LPAR1: variants seen among roughly 807,000 people sequenced by gnomAD.
The protein encoded by LPAR1 is LPA receptor 1.
In LPAR1, 5 loss-of-function variants were observed where a neutral mutation model predicts 23.8. The observed-to-expected ratio is 0.21, with a 90% CI of 0.11 to 0.44. The LOEUF (loss-of-function observed/expected upper bound fraction) is 0.44. Ranked by LOEUF, LPAR1 falls within the 20% of genes least tolerant of loss-of-function variation. The pLI, the probability that LPAR1 is intolerant of heterozygous loss-of-function variation, is 0.99. For synonymous variants in LPAR1, 160 were observed against 164.7 expected (o/e 0.97, Z 0.22); for missense variants, 311 against 482.8 (o/e 0.64, Z 3.33).
At chr9:110,907,350 A>C (rs1207631095) in intron 5 of LPAR1, among the ~76,000 whole-genome samples, 1 of 152,180 alleles carries the variant, frequency 6.6e-6, no homozygotes, top group Non-Finnish European at 1.5e-5. Flanking sequence ...CTCTGTAAAA[A>C]GGCAAGGGGT....
intron 3 of LPAR1, among the ~76,000 whole-genome samples, chr9:110,972,568 C>T (rs780622228): frequency 5.9e-5 from 9 of 152,086 alleles, no homozygotes; most frequent in African/African-American, 1.7e-4. Flanking sequence ...GGAGAGCTGA[C>T]GGCTTACATA....
chr9:110,932,462 C>T (rs1257627814), intron 5 of LPAR1, among the ~76,000 whole-genome samples: 1 of 152,232 alleles, frequency 6.6e-6, no homozygotes, highest in Admixed American at 6.5e-5. Flanking sequence ...GTCTCATGAA[C>T]CCAGCCATTC....
At chr9:110,900,177 T>A (rs2133791975) in intron 5 of LPAR1, among the ~76,000 whole-genome samples, 1 of 152,264 alleles carries the variant, frequency 6.6e-6, no homozygotes, top group Admixed American at 6.5e-5. Context: ...TAGGCAAAAA[T>A]CAAAGTGTTA....
intron 2 of LPAR1, among the ~76,000 whole-genome samples, chr9:110,994,461 C>G (rs2096956445): frequency 6.6e-6 from 1 of 152,140 alleles, no homozygotes; most frequent in African/African-American, 2.4e-5. Flanking sequence ...GGTGAATTTA[C>G]TGATTTCAGT....
intron 2 of LPAR1, among the ~76,000 whole-genome samples, chr9:111,024,010 G>A (rs1217237298): frequency 6.6e-6 from 1 of 152,088 alleles, no homozygotes; most frequent in Admixed American, 6.6e-5. Context: ...ATTGGCAATA[G>A]CACTAAAAAT....
rs147666308 is a variant in LPAR1 at position 111,008,704 on chromosome 9, C to T, written c.-182+27418G>A. On this transcript the variant is annotated intron_variant, in intron 2 of 5. Transcript: ENST00000683809. Reference sequence around the variant, plus strand: ...GGATCTAGGTAGGAAAGAGTCGCCCCTGAGAATTTATATCCGGACACTTGC... The same window carrying T: ...GGATCTAGGTAGGAAAGAGTCGCCCTTGAGAATTTATATCCGGACACTTGC... Among the ~76,000 whole-genome samples the T allele has an allele frequency of 2.8e-3, 427 of 152,222 alleles. 1 individual carries two copies. The highest frequency in any genetic ancestry group is 4.8e-3 in the Non-Finnish European group (326 of 68,012).
At chr9:110,968,616 C>G (rs2096297420) in intron 4 of LPAR1, among the ~76,000 whole-genome samples, 1 of 152,172 alleles carries the variant, frequency 6.6e-6, no homozygotes, top group Non-Finnish European at 1.5e-5. Context: ...AGCACCCATA[C>G]TTCCTGTATT....
chr9:110,885,090 G>A (rs1564362928), intron 5 of LPAR1, among the ~76,000 whole-genome samples: 1 of 152,090 alleles, frequency 6.6e-6, no homozygotes, highest in Admixed American at 6.6e-5. Context: ...CAGGAACACT[G>A]TTCTCTGAAT....
At chr9:110,954,412 A>G (rs1349218802) in intron 4 of LPAR1, among the ~76,000 whole-genome samples, 2 of 152,234 alleles carry the variant, frequency 1.3e-5, no homozygotes, top group Non-Finnish European at 2.9e-5. Flanking sequence ...TAACAAAATA[A>G]CAGCTGAAAA....
At position 111,008,585 on chromosome 9, in the gene LPAR1, T is replaced by C. The variant is rs73541447; in HGVS notation, c.-182+27537A>G. ...ACCTCTGCAAAAAGCTGGGACATCCTACCCTTAACAGCTGAACTAATAGAA... is the reference window on the plus strand; with the variant it reads ...ACCTCTGCAAAAAGCTGGGACATCCCACCCTTAACAGCTGAACTAATAGAA... On this transcript the variant is annotated intron_variant, in intron 2 of 5. Coordinates refer to ENST00000683809, the MANE Select transcript of LPAR1 (RefSeq NM_001351411.2). Among the ~76,000 whole-genome samples, 408 of 152,302 alleles carry C rather than the reference T, an allele frequency of 2.7e-3. 2 individuals are homozygous for C. Among genetic ancestry groups the C allele is most frequent in the African/African-American group, 9.3e-3 (387 of 41,574 alleles).
intron 4 of LPAR1, among the ~76,000 whole-genome samples, chr9:110,959,788 T>C (rs551827510): frequency 2.0e-5 from 3 of 152,116 alleles, no homozygotes; most frequent in Non-Finnish European, 4.4e-5. Flanking sequence ...ATGTGGTATA[T>C]ATACACAATG....
chr9:110,983,456 TAG>T (rs2096715102), intron 2 of LPAR1, among the ~76,000 whole-genome samples: 1 of 151,944 alleles, frequency 6.6e-6, no homozygotes, highest in African/African-American at 2.4e-5. Context: ...GTCAAATTAA[TAG>T]AGACAAAGTA....
At chr9:110,932,007 A>C (rs987547410) in intron 5 of LPAR1, among the ~76,000 whole-genome samples, 2 of 151,254 alleles carry the variant, frequency 1.3e-5, no homozygotes, top group African/African-American at 2.4e-5. Context: ...CAATGCGGGA[A>C]GTTTTCACTG....
At position 111,024,460 on chromosome 9, in the gene LPAR1, ACAT is replaced by A. The variant is rs2097643927; in HGVS notation, c.-182+11659_-182+11661del. On this transcript the variant is annotated intron_variant, in intron 2 of 5. Coordinates refer to ENST00000683809, the MANE Select transcript of LPAR1 (RefSeq NM_001351411.2). Reference sequence around the variant, plus strand: ...ATAATTTTTATATATTTTTATATATACATAATTATATATACATACATATTTTTA... The same window carrying A: ...ATAATTTTTATATATTTTTATATATAAATTATATATACATACATATTTTTA... 3.4e-5 allele frequency among the ~76,000 whole-genome samples: 5 copies of A among 147,426 alleles called. No homozygotes were observed. The South Asian group carries it at 1.0e-3, about 31-fold the overall frequency.
chr9:110,959,170 C>CAAAAAAAAAAAAAAAAAAAAAA (rs1186318362), intron 4 of LPAR1, among the ~76,000 whole-genome samples: 5 of 81,170 alleles, frequency 6.2e-5, no homozygotes, highest in African/African-American at 2.6e-4. Context: ...GATGTCTCTA[C>CAAAAAAAAAAAAAAAAAAAAAA]AAAAAAAAAA....
chr9:110,976,208 C>A (rs1013237241), intron 2 of LPAR1, among the ~76,000 whole-genome samples: 3 of 151,844 alleles, frequency 2.0e-5, no homozygotes, highest in African/African-American at 7.3e-5. Flanking sequence ...GAAATACATC[C>A]CTGGCTGGGT....
chr9:110,908,952 T>C lies in LPAR1; in HGVS notation c.793+32469A>G, dbSNP rs73655672. 2.8e-3 allele frequency among the ~76,000 whole-genome samples: 427 copies of C among 152,308 alleles called. 2 individuals are homozygous for C. The highest frequency in any genetic ancestry group is 9.7e-3 in the African/African-American group (405 of 41,570). On this transcript the variant is annotated intron_variant, in intron 5 of 5. Transcript: ENST00000683809. ...CCTTTTTTGTCTTAAAGCTTGAAAC[T>C]TATATTTATTTTATCTGAGTTCCTT...
rs985588600 is a variant in LPAR1, at chr9:111,012,467, G to A, written c.-182+23655C>T. 2.5e-4 allele frequency among the ~76,000 whole-genome samples: 28 copies of A among 112,376 alleles called. 1 individual carries two copies. In the South Asian group the frequency reaches 5.3e-3, roughly 21 times the overall value. 73.7% of individuals were successfully genotyped at this position (112,376 alleles called of 152,430 possible). ...AACACACACATGCATGTACGCACGCGCGCACACACACACACACACACACAC... is the reference window on the plus strand; with the variant it reads ...AACACACACATGCATGTACGCACGCACGCACACACACACACACACACACAC... On this transcript the variant is annotated intron_variant, in intron 2 of 5. Transcript: ENST00000683809.
intron 4 of LPAR1, among the ~76,000 whole-genome samples, chr9:110,971,405 G>C (rs1184296450): frequency 6.6e-6 from 1 of 152,086 alleles, no homozygotes; most frequent in Non-Finnish European, 1.5e-5. Flanking sequence ...GTGAACTGTG[G>C]CCTTATGACT....
Sources: allele counts gnomAD v4.1 joint callset (sites outside exome capture counted in the v4.1 genomes callset), GRCh38; gene constraint gnomAD v4.1.1; transcripts MANE v1.5; gene names NCBI Gene and HGNC (gene_info 2026-07-23, HGNC 2026-07-21).